The following DYNC2I1 variants were observed in gnomAD, a reference collection of about 807,000 sequenced individuals.
DYNC2I1 encodes dynein 2 intermediate chain 1, also known as cytoplasmic dynein 2 intermediate chain 1.
DYNC2I1 carries 89 observed loss-of-function variants against 133.4 expected under a neutral mutation model. The observed-to-expected ratio is 0.67, with a 90% confidence interval of 0.56 to 0.80. The LOEUF is 0.80. Ranked by LOEUF, DYNC2I1 falls within the 30% of genes least tolerant of loss-of-function variation. The pLI, the probability that DYNC2I1 is intolerant of heterozygous loss-of-function variation, is 0.00. For missense variants in DYNC2I1, 1,291 were observed against 1,314.5 expected (o/e 0.98, Z 0.28); for synonymous variants, 504 against 484.3 (o/e 1.04, Z -0.54).
intron 3 of DYNC2I1, among the ~76,000 whole-genome samples, chr7:158,873,039 A>G (rs1215965599): frequency 3.3e-5 from 5 of 152,106 alleles, no homozygotes; most frequent in Non-Finnish European, 7.4e-5. Flanking sequence ...TATTATCTCA[A>G]TAAGGCTTAT....
rs752510071 is a variant in DYNC2I1, at chr7:158,879,709, A to G, written c.599A>G (p.Asn200Ser). 4.4e-6 allele frequency: 7 copies of G among 1,591,724 alleles called. No individual in the cohort carries two copies. Among genetic ancestry groups the G allele is most frequent in the South Asian group, 3.4e-5 (3 of 88,930 alleles). ...RKLQYGDSKD[N>S]PLKYWLYKEE... is the part of the protein sequence containing the mutation. ...CTGCAGTACGGAGACAGCAAGGACA[A>G]CCCTCTCAAGTACTGGCTTTATAAA... Residue 200 changes from asparagine (N) to serine (S), a missense_variant, in exon 5 of 25, where the codon AAC becomes AGC. Transcript: ENST00000407559.
chr7:158,881,749 G>C (rs185146408), intron 5 of DYNC2I1, among the ~76,000 whole-genome samples: 2 of 152,218 alleles, frequency 1.3e-5, no homozygotes, highest in East Asian at 1.9e-4. Flanking sequence ...TACCGCGCCC[G>C]GCCATTTTTT....
chr7:158,873,213 T>G (rs532124957), intron 3 of DYNC2I1, among the ~76,000 whole-genome samples: 3 of 152,236 alleles, frequency 2.0e-5, no homozygotes, highest in Admixed American at 6.5e-5. Flanking sequence ...TTCTTCAGTA[T>G]TTTTTGGTTA....
At chr7:158,856,833 C>T in intron 1 of DYNC2I1, 83 bp downstream of exon 1, 2 of 1,215,466 alleles carry the variant, frequency 1.6e-6, no homozygotes, top group Non-Finnish European at 2.1e-6. Flanking sequence ...CGCCGCCGCC[C>T]TCCCTTTGCG....
chr7:158,880,875 T>C (rs1843930481), intron 5 of DYNC2I1, among the ~76,000 whole-genome samples: 1 of 152,174 alleles, frequency 6.6e-6, no homozygotes, highest in South Asian at 2.1e-4. Context: ...TATTTCTTGG[T>C]GATGCTTCCT....
the DYNC2I1 span, among the ~76,000 whole-genome samples, chr7:158,847,906 C>T: frequency 1.3e-5 from 2 of 152,300 alleles, no homozygotes; most frequent in African/African-American, 4.8e-5. Context: ...GGAATTGTTC[C>T]ATTTTTAGAT....
chr7:158,918,532 G>A (rs1429422431), intron 14 of DYNC2I1, among the ~76,000 whole-genome samples: 2 of 152,162 alleles, frequency 1.3e-5, no homozygotes, highest in Non-Finnish European at 2.9e-5. Flanking sequence ...GGCAAATGAT[G>A]ATTCTCCTGT....
chr7:158,872,511 T>C (rs1335366025), intron 3 of DYNC2I1, among the ~76,000 whole-genome samples: 1 of 151,830 alleles, frequency 6.6e-6, no homozygotes, highest in Admixed American at 6.6e-5. Context: ...GGCGTGTGCC[T>C]GTAATCCCAG....
chr7:158,868,815 G>A (rs1418314449), intron 1 of DYNC2I1, among the ~76,000 whole-genome samples: 1 of 152,236 alleles, frequency 6.6e-6, no homozygotes, highest in Non-Finnish European at 1.5e-5. Context: ...TGAGCCTTGT[G>A]ATGCCTCACT....
chr7:158,894,345 A>G (rs560855153), intron 8 of DYNC2I1, among the ~76,000 whole-genome samples: 46 of 152,328 alleles, frequency 3.0e-4, no homozygotes, highest in African/African-American at 1.1e-3. Context: ...AGTAGTTTCC[A>G]CTCAGTGCGT....
chr7:158,919,196 CT>C (rs1429805828), intron 15 of DYNC2I1, among the ~76,000 whole-genome samples: 1 of 152,188 alleles, frequency 6.6e-6, no homozygotes, highest in Non-Finnish European at 1.5e-5. Flanking sequence ...TATTCAGTTT[CT>C]TTTCTTGAGA....
chr7:158,863,375 A>G (rs1488505334), intron 1 of DYNC2I1, among the ~76,000 whole-genome samples: 1 of 152,006 alleles, frequency 6.6e-6, no homozygotes, highest in African/African-American at 2.4e-5. Flanking sequence ...GCTGGACAGA[A>G]AAGTTCTCCA....
At chr7:158,905,140 CT>C (rs77389434) in intron 10 of DYNC2I1, 32,296 of 325,690 alleles carry the variant, frequency 0.099, 53 homozygotes, top group South Asian at 0.12. Flanking sequence ...CTTTCTTTTT[CT>C]TTTTTTTTTT....
At position 158,913,033 on chromosome 7, in the gene DYNC2I1, G is replaced by T; in HGVS notation, c.1639G>T (p.Glu547Ter). ...TAATGTTGAAAGAGACATTCAAACGGAGGAAATAGAGACCAGGGAAGTGTG... is the reference window on the plus strand; with the variant it reads ...TAATGTTGAAAGAGACATTCAAACGTAGGAAATAGAGACCAGGGAAGTGTG... ...EDNVERDIQT[E>*]EIETREVWTQ... Residue 547 changes from glutamate to a stop codon, truncating the protein, a stop_gained, in exon 13 of 25, where the codon GAG (glutamate) becomes TAG (stop). Transcript: ENST00000407559. LOFTEE classifies it high-confidence loss of function. The T allele has an allele frequency of 6.2e-7, 1 of 1,613,588 alleles. No homozygotes were observed. The highest frequency in any genetic ancestry group is 1.1e-5 in the South Asian group (1 of 91,008).
At chr7:158,888,117 C>T (rs113693498) in intron 7 of DYNC2I1, among the ~76,000 whole-genome samples, 3 of 149,934 alleles carry the variant, frequency 2.0e-5, no homozygotes, top group Admixed American at 6.7e-5. Context: ...CTCCGCCTCC[C>T]GGGTTCAAGC....
chr7:158,878,413 G>A (rs553347364), intron 4 of DYNC2I1, among the ~76,000 whole-genome samples: 1 of 139,440 alleles, frequency 7.2e-6, no homozygotes, highest in Admixed American at 7.2e-5. Flanking sequence ...GGGGAGGCCA[G>A]GAGGGCCGAC....
chr7:158,910,758 G>C (rs981666513), intron 11 of DYNC2I1, among the ~76,000 whole-genome samples: 4 of 151,268 alleles, frequency 2.6e-5, no homozygotes, highest in Non-Finnish European at 4.4e-5. Context: ...TCAGACCTGT[G>C]GGTGGAGGGC....
Position 158,913,055 on chromosome 7 carries a change from T to G in DYNC2I1, c.1661T>G (p.Val554Gly), listed in dbSNP as rs1381037180. The change falls in exon 13 of 25, where the codon GTG (valine) becomes GGG (glycine). Residue 554 changes from valine to glycine, a missense_variant. Physicochemically the swap from Val to Gly is moderately radical, Grantham distance 109. Transcript: ENST00000407559. ...ACGGAGGAAATAGAGACCAGGGAAGTGTGGACCCAGCACCCGGGAGAAAGT... is the reference window on the plus strand; with the variant it reads ...ACGGAGGAAATAGAGACCAGGGAAGGGTGGACCCAGCACCCGGGAGAAAGT... The part of the protein sequence containing the change: ...IQTEEIETRE[V>G]WTQHPGESTV... The G allele has an allele frequency of 1.2e-6, 2 of 1,613,592 alleles. No individual in the cohort carries two copies. The highest frequency in any genetic ancestry group is 4.5e-5 in the East Asian group (2 of 44,862).
rs1264948565 is a variant in DYNC2I1 at position 158,899,411 on chromosome 7, CTG to C, written c.1060-2326_1060-2325del. ...TTTTGCTACTATTATTCTGAACAAA[CTG>C]TTATCTGTTAGATCAATTAAGGAAA... On this transcript the variant is annotated intron_variant, in intron 8 of 24. Coordinates refer to ENST00000407559, the MANE Select transcript of DYNC2I1 (RefSeq NM_018051.5). 2.6e-5 allele frequency among the ~76,000 whole-genome samples: 4 copies of C among 152,132 alleles called. No individual in the cohort carries two copies. The South Asian group carries it at 8.3e-4, about 32-fold the overall frequency.
Sources: gnomAD v4.1 joint callset for allele counts (sites outside exome capture counted in the v4.1 genomes callset) on GRCh38, gnomAD v4.1.1 for gene constraint, MANE v1.5 for transcripts, NCBI Gene and HGNC (gene_info 2026-07-23, HGNC 2026-07-21) for gene names.